Variants in PIEZO1 observed in about 807,000 individuals in gnomAD.
PIEZO1 encodes piezo-type mechanosensitive ion channel component 1.
Under a neutral mutation model 297.2 loss-of-function variants are expected in PIEZO1, and 296 were observed. The ratio of observed to expected loss-of-function variants is 1.00; its 90% CI spans 0.91 to 1.10. PIEZO1 has a LOEUF of 1.10. Among genes scored for constraint, PIEZO1 ranks in the 50% least tolerant of loss-of-function variants. The probability of loss-of-function intolerance (pLI) is 0.00; values close to 1 mark genes in which losing one functional copy is unlikely to be tolerated. For synonymous variants in PIEZO1, 2,427 were observed against 1,507.5 expected (o/e 1.61, Z -14.13); for missense variants, 5,018 against 3,455.5 (o/e 1.45, Z -11.34).
At chr16:88,770,914 C>T (rs558107163) in intron 1 of PIEZO1, among the ~76,000 whole-genome samples, 3 of 152,326 alleles carry the variant, frequency 2.0e-5, no homozygotes, top group African/African-American at 4.8e-5. Context: ...TATAGGAATC[C>T]GGTGGGCGGC....
chr16:88,777,717 C>T (rs1403644844), intron 1 of PIEZO1, among the ~76,000 whole-genome samples: 2 of 152,228 alleles, frequency 1.3e-5, no homozygotes, highest in Non-Finnish European at 2.9e-5. Context: ...GGCTGAGCTG[C>T]GTAAAGGCAG....
At chr16:88,728,982 A>G (rs1473389307) in intron 22 of PIEZO1, among the ~76,000 whole-genome samples, 3 of 43,040 alleles carry the variant, frequency 7.0e-5, no homozygotes, top group Non-Finnish European at 1.4e-4. Flanking sequence ...CGACCCAAAA[A>G]CAAAGTGACC....
At chr16:88,756,223 C>T (rs1906647548) in intron 1 of PIEZO1, among the ~76,000 whole-genome samples, 1 of 152,214 alleles carries the variant, frequency 6.6e-6, no homozygotes, top group South Asian at 2.1e-4. Context: ...AGGACGCCCA[C>T]ACCCAGCCCG....
chr16:88,757,420 G>A (rs1181041706), intron 1 of PIEZO1, among the ~76,000 whole-genome samples: 1 of 151,736 alleles, frequency 6.6e-6, no homozygotes, highest in African/African-American at 2.4e-5. Context: ...CAGCCTGTGA[G>A]AGCAGGGGCG....
intron 5 of PIEZO1, chr16:88,738,963 G>A (rs902611709): frequency 3.4e-6 from 2 of 584,404 alleles, no homozygotes; most frequent in Admixed American, 3.1e-5. Flanking sequence ...CTTCCTGGTA[G>A]CAGCTCCCAC....
At position 88,715,472 on chromosome 16, in the gene PIEZO1, C is replaced by G. The variant is rs938675724; in HGVS notation, c.*133G>C. The stretch of plus-strand genomic sequence containing the variant: ...TCTGACAGCAGCATCAGGGCTCAGG[C>G]AGGCCGGGAGGATGCATCACAGCTG... On this transcript the variant is annotated 3_prime_UTR_variant, in exon 51 of 51. Coordinates refer to ENST00000301015, the MANE Select transcript of PIEZO1 (RefSeq NM_001142864.4). 1.2e-5 allele frequency: 12 copies of G among 1,042,224 alleles called. No homozygotes were observed. In the African/African-American group the frequency reaches 1.7e-4, roughly 15 times the overall value. 64.6% of individuals were successfully genotyped at this position (1,042,224 alleles called of 1,614,324 possible).
In PIEZO1 at chr16:88,738,018, C is replaced by T. The variant is rs571863969; in HGVS notation, c.936G>A (p.Val312=). The T allele has an allele frequency of 3.9e-6, 6 of 1,535,564 alleles. No individual in the cohort carries two copies. Among genetic ancestry groups the T allele is most frequent in the Non-Finnish European group, 4.4e-6 (5 of 1,146,762 alleles). The change falls in exon 8 of 51, where the codon GTG becomes GTA. Residue 312 remains valine (V), a synonymous_variant. Coordinates refer to ENST00000301015, the MANE Select transcript of PIEZO1 (RefSeq NM_001142864.4). ...GCAGGAGGACGCCGGGGCTGGCATA[C>T]ACAGGCCAGTCCAGGCCGGTGTTGA... ...LVLNTGLDWP[V]YASPGVLLLL... is the part of the protein sequence containing the mutation.
chr16:88,781,923 T>A (rs1333554645), intron 1 of PIEZO1, among the ~76,000 whole-genome samples: 2 of 152,198 alleles, frequency 1.3e-5, no homozygotes, highest in African/African-American at 4.8e-5. Context: ...GCCGTGGGTG[T>A]GCCCCTAGGC....
chr16:88,731,688 A>T lies in PIEZO1; in HGVS notation c.3196+18T>A. 1.3e-6 allele frequency: 2 copies of T among 1,546,100 alleles called. No homozygotes were observed. The highest frequency in any genetic ancestry group is 1.2e-5 in the South Asian group (1 of 83,942). On this transcript the variant is annotated intron_variant, in intron 22 of 50. Transcript: ENST00000301015. ...AAAGCCACAAAGCCCACTCCCACCC[A>T]AGCCACGTGCCCCTCACCAATGCAC...
At position 88,732,525 on chromosome 16, in the gene PIEZO1, T is replaced by C. The variant is rs1904929574; in HGVS notation, c.2801A>G (p.Gln934Arg). The C allele has an allele frequency of 1.3e-6, 2 of 1,546,684 alleles. No individual in the cohort carries two copies. The highest frequency in any genetic ancestry group is 2.7e-5 in the African/African-American group (2 of 72,954). Reference protein sequence around the residue: ...PNLGYIQNHLQVLLLLVFEAI... With the variant: ...PNLGYIQNHLRVLLLLVFEAI... ...CTCGAATACCAGCAGCAGCAGCACT[T>C]GCAGGTGGTTCTGCGGAGGGCAAGG... The change falls in exon 21 of 51, where the codon CAA (glutamine) becomes CGA (arginine). Residue 934 changes from glutamine to arginine, a missense_variant. Transcript: ENST00000301015.
At chr16:88,754,080 T>TTCCCAAC (rs1292452831) in intron 1 of PIEZO1, among the ~76,000 whole-genome samples, 6 of 152,018 alleles carry the variant, frequency 3.9e-5, no homozygotes, top group African/African-American at 1.5e-4. Flanking sequence ...AGAGCTGTGG[T>TTCCCAAC]TCCCAACCCC....
At position 88,732,584 on chromosome 16, in the gene PIEZO1, CGCCCACCA is replaced by C; in HGVS notation, c.2790+15_2790+22del. On this transcript the variant is annotated intron_variant, in intron 20 of 50. Coordinates refer to ENST00000301015, the MANE Select transcript of PIEZO1 (RefSeq NM_001142864.4). ...GCAGCCGGGTACTCGCCCGCCCAGC[CGCCCACCA>C]GCCCTTCAACTCACCTGGATGTAGC... The C allele has an allele frequency of 6.5e-7, 1 of 1,543,948 alleles. No individual in the cohort carries two copies. The highest frequency in any genetic ancestry group is 2.5e-5 in the East Asian group (1 of 40,724).
intron 22 of PIEZO1, 30 bp downstream of exon 22, chr16:88,731,676 C>T (rs1221746147): frequency 4.6e-6 from 7 of 1,532,596 alleles, no homozygotes; most frequent in African/African-American, 4.1e-5. Context: ...GCCACAAAGC[C>T]CACTCCCACC....
chr16:88,745,796 G>A (rs1026409399), intron 2 of PIEZO1: 2 of 151,542 alleles, frequency 1.3e-5, no homozygotes, highest in African/African-American at 4.9e-5. Flanking sequence ...CCAGCTTGCA[G>A]GGCTCTCAGG....
chr16:88,743,497 T>C (rs1342038320), intron 2 of PIEZO1: 2 of 454,202 alleles, frequency 4.4e-6, no homozygotes, highest in Non-Finnish European at 4.4e-6. Context: ...ACAGGTAGCA[T>C]CTGGGTCTGG....
At chr16:88,732,849 CGGG>C (rs1329272510) in intron 19 of PIEZO1, 117 bp from the exon 20 acceptor site, 1 of 1,067,556 alleles carries the variant, frequency 9.4e-7, no homozygotes, top group Non-Finnish European at 1.3e-6. Context: ...GCCAGGGACA[CGGG>C]GGCTGCCAGC....
intron 2 of PIEZO1, among the ~76,000 whole-genome samples, chr16:88,749,167 G>C (rs1284124511): frequency 6.6e-6 from 1 of 152,042 alleles, no homozygotes; most frequent in African/African-American, 2.4e-5. Flanking sequence ...GTGAACCTGG[G>C]AGGCGAAGCC....
At position 88,722,241 on chromosome 16, in the gene PIEZO1, C is replaced by A. The variant is rs751965283; in HGVS notation, c.4932G>T (p.Thr1644=). 1.3e-6 allele frequency: 2 copies of A among 1,547,550 alleles called. No homozygotes were observed. The highest frequency in any genetic ancestry group is 2.0e-5 in the Admixed American group (1 of 50,956). ...GASLYQGLMR[T]ASELLLDRRL... ...ACCTGTCCAGGAGCAGCTCGCTGGC[C>A]GTCCGCATCAGTCCCTGGTACAGAG... Residue 1644 remains threonine, a synonymous_variant, in exon 36 of 51, where the codon ACG becomes ACT. Coordinates refer to ENST00000301015, the MANE Select transcript of PIEZO1 (RefSeq NM_001142864.4).
In PIEZO1 at chr16:88,726,777, C is replaced by T. The variant is rs775972701; in HGVS notation, c.3637G>A (p.Val1213Met). ...LLQRDTRARL[V>M]LWDCLILYNV... ...TACAGAATGAGGCAGTCCCACAGCA[C>T]GAGGCGGGCCCGTGTGTCCCTCTGC... Residue 1213 changes from valine to methionine, a missense_variant, in exon 25 of 51, where the codon GTG becomes ATG. Coordinates refer to ENST00000301015, the MANE Select transcript of PIEZO1 (RefSeq NM_001142864.4). 41 of 1,550,078 alleles carry T rather than the reference C, an allele frequency of 2.6e-5. No individual in the cohort carries two copies. The highest frequency in any genetic ancestry group is 1.7e-4 in the Middle Eastern group (1 of 6,012).
Sources: allele counts gnomAD v4.1 joint callset (sites outside exome capture counted in the v4.1 genomes callset), GRCh38; gene constraint gnomAD v4.1.1; transcripts MANE v1.5; gene names NCBI Gene and HGNC (gene_info 2026-07-23, HGNC 2026-07-21).